Variants in DNAAF5 observed in about 807,000 individuals in gnomAD.
DNAAF5 encodes the protein dynein axonemal assembly factor 5.
Under a neutral mutation model 75.8 loss-of-function variants are expected in DNAAF5, and 64 were observed. The observed-to-expected ratio is 0.84, with a 90% CI of 0.69 to 1.04. The LOEUF (loss-of-function observed/expected upper bound fraction) is 1.04, where lower values mean the gene tolerates loss of function less well. Among genes scored for constraint, DNAAF5 ranks in the 50% least tolerant of loss-of-function variants. The probability of loss-of-function intolerance (pLI) is 0.00; values close to 1 mark genes in which losing one functional copy is unlikely to be tolerated. For synonymous variants in DNAAF5, 657 were observed against 557.2 expected, an observed-to-expected ratio of 1.18 and a Z score of -2.52; for missense variants, 1,269 against 1,178.5, an observed-to-expected ratio of 1.08 and a Z score of -1.12.
chr7:776,573 C>G (rs1298442407), intron 11 of DNAAF5, among the ~76,000 whole-genome samples: 1 of 152,176 alleles, frequency 6.6e-6, no homozygotes, highest in East Asian at 1.9e-4. Context: ...GCCGGGCCAC[C>G]CTGCAGCAGG....
chr7:752,759 A>T (rs1583493710), intron 4 of DNAAF5, among the ~76,000 whole-genome samples: 1 of 152,362 alleles, frequency 6.6e-6, no homozygotes, highest in East Asian at 1.9e-4. Flanking sequence ...CTGCTTTTTC[A>T]AAGGCCTGTT....
Position 727,203 on chromosome 7 carries a change from G to T in DNAAF5, c.483G>T (p.Ala161=). The T allele has an allele frequency of 7.4e-7, 1 of 1,348,110 alleles. No individual in the cohort carries two copies. The highest frequency in any genetic ancestry group is 1.7e-5 in the South Asian group (1 of 59,438). The allele number at this position is 1,348,110 out of a possible 1,614,324, so 83.5% of individuals were successfully genotyped here. Reference sequence around the variant, plus strand: ...TGGACCTGTGCGGCGCCGCGCTCGCGCCCCACCTGGACGACGCTCTGCGCG... The same window carrying T: ...TGGACCTGTGCGGCGCCGCGCTCGCTCCCCACCTGGACGACGCTCTGCGCG... ...LAVDLCGAAL[A]PHLDDALRAL... is the part of the protein sequence containing the mutation. Residue 161 remains alanine (A), a synonymous_variant, in exon 1 of 13, where the codon GCG becomes GCT. Transcript: ENST00000297440.
chr7:753,737 C>T (rs1562386259), intron 4 of DNAAF5, among the ~76,000 whole-genome samples: 2 of 137,696 alleles, frequency 1.5e-5, no homozygotes, highest in African/African-American at 5.7e-5. Flanking sequence ...GCTTCGCAGG[C>T]GTGTCTCTCT....
intron 8 of DNAAF5, among the ~76,000 whole-genome samples, chr7:767,951 G>C (rs546889720): frequency 3.3e-5 from 5 of 150,512 alleles, no homozygotes; most frequent in African/African-American, 1.2e-4. Context: ...GCTCCGGGCA[G>C]AAGTGTCCGC....
intron 2 of DNAAF5, among the ~76,000 whole-genome samples, chr7:739,064 GC>G (rs1313044383): frequency 7.0e-6 from 1 of 143,802 alleles, no homozygotes; most frequent in Non-Finnish European, 1.5e-5. Context: ...TGGGCTGGGG[GC>G]TGGCTGCAGT....
At chr7:756,673 G>C in intron 5 of DNAAF5, 109 bp from the exon 6 acceptor site, 1 of 937,456 alleles carries the variant, frequency 1.1e-6, no homozygotes, top group Admixed American at 1.9e-5. Context: ...CCTAACACGG[G>C]GCTCTGTCTG....
At chr7:772,503 G>A (rs1219986084) in intron 9 of DNAAF5, 2 of 152,250 alleles carry the variant, frequency 1.3e-5, no homozygotes, top group Non-Finnish European at 2.9e-5. Context: ...ACCGTTTCTG[G>A]AAGTCAAGCC....
chr7:756,809 A>G lies in DNAAF5; in HGVS notation c.1285A>G (p.Thr429Ala). Reference sequence around the variant, plus strand: ...TACCAGATCCGCAGAGCTCGTCGGGACGTTTGTCAGCCCTGAGGTGTTTCT... The same window carrying G: ...TACCAGATCCGCAGAGCTCGTCGGGGCGTTTGTCAGCCCTGAGGTGTTTCT... ...SCTRSAELVG[T>A]FVSPEVFLKL... The change falls in exon 6 of 13, where the codon ACG becomes GCG. Residue 429 changes from threonine (T) to alanine (A), a missense_variant. By Grantham distance (58) the Thr-to-Ala change is moderately conservative. Transcript: ENST00000297440. 1 of 1,613,724 alleles carries G rather than the reference A, an allele frequency of 6.2e-7. No individual in the cohort carries two copies. Among genetic ancestry groups the G allele is most frequent in the Non-Finnish European group, 8.5e-7 (1 of 1,179,938 alleles).
In DNAAF5 at chr7:770,630, C is replaced by A. The variant is rs752959727; in HGVS notation, c.1931+12C>A. 4 of 1,611,148 alleles carry A rather than the reference C, an allele frequency of 2.5e-6. No homozygotes were observed. In the Admixed American group the frequency reaches 6.7e-5, roughly 27 times the overall value. On this transcript the variant is annotated intron_variant, in intron 9 of 12. Coordinates refer to ENST00000297440, the MANE Select transcript of DNAAF5 (RefSeq NM_017802.4). ...ATCAACTCCCAGGGGTAGGTCCGGG[C>A]TCTGCCTCTGCACGGCCCCCAGCTG... is the stretch of plus-strand genomic sequence containing the variant.
chr7:768,044 G>T (rs1051303786), intron 8 of DNAAF5, among the ~76,000 whole-genome samples: 1 of 151,770 alleles, frequency 6.6e-6, no homozygotes, highest in Non-Finnish European at 1.5e-5. Flanking sequence ...GGCGCTGGGA[G>T]GGCAGACACG....
rs1434785948 is a variant in DNAAF5, at chr7:741,481, AG to A, written c.1024+17del. The A allele has an allele frequency of 8.1e-7, 1 of 1,229,304 alleles. No homozygotes were observed. Among genetic ancestry groups the A allele is most frequent in the African/African-American group, 1.6e-5 (1 of 63,192 alleles). 76.1% of individuals were successfully genotyped at this position (1,229,304 alleles called of 1,614,324 possible). On this transcript the variant is annotated intron_variant, in intron 4 of 12. Transcript: ENST00000297440. Reference sequence around the variant, plus strand: ...CCTCCACATGGTGAGTGACCGCGGCAGAGGGGAGCGCCAGGAGGCGAGCCCT... The same window carrying A: ...CCTCCACATGGTGAGTGACCGCGGCAAGGGGAGCGCCAGGAGGCGAGCCCT...
intron 2 of DNAAF5, among the ~76,000 whole-genome samples, chr7:733,419 T>C (rs1188721053): frequency 6.6e-6 from 1 of 152,190 alleles, no homozygotes; most frequent in Non-Finnish European, 1.5e-5. Flanking sequence ...GTATGGACAA[T>C]ATTGATTCTT....
chr7:769,714 A>G (rs112938971), intron 8 of DNAAF5, among the ~76,000 whole-genome samples: 10,139 of 151,164 alleles, frequency 0.067, 451 homozygotes, highest in Non-Finnish European at 0.093. Flanking sequence ...CTGGAGTGCA[A>G]TAGTGCGATC....
intron 8 of DNAAF5, among the ~76,000 whole-genome samples, chr7:769,780 C>T (rs1778490749): frequency 6.6e-6 from 1 of 152,114 alleles, no homozygotes; most frequent in African/African-American, 2.4e-5. Flanking sequence ...GCTGGGATTA[C>T]AGGCGCCCAC....
At chr7:784,095 C>T (rs1471625531) in intron 12 of DNAAF5, among the ~76,000 whole-genome samples, 1 of 152,150 alleles carries the variant, frequency 6.6e-6, no homozygotes, top group African/African-American at 2.4e-5. Context: ...CTTACCCCTC[C>T]TCGAGGCCCT....
chr7:756,757 G>C (rs1270822013), intron 5 of DNAAF5, 25 bp from the exon 6 acceptor site: 3 of 1,608,092 alleles, frequency 1.9e-6, no homozygotes, highest in South Asian at 2.2e-5. Flanking sequence ...TTGGCTCTGA[G>C]TTTTCTCATG....
At chr7:751,612 C>A (rs1242520355) in intron 4 of DNAAF5, among the ~76,000 whole-genome samples, 1 of 142,948 alleles carries the variant, frequency 7.0e-6, no homozygotes, top group Admixed American at 7.2e-5. Flanking sequence ...CTCACTCTGT[C>A]GCCCAGGCTG....
At chr7:755,307 C>T (rs892125294) in intron 5 of DNAAF5, among the ~76,000 whole-genome samples, 2 of 152,184 alleles carry the variant, frequency 1.3e-5, no homozygotes, top group Admixed American at 6.5e-5. Flanking sequence ...TGTCCACACT[C>T]GGCTGCTGGT....
chr7:732,597 G>C (rs1781621642), intron 2 of DNAAF5: 1 of 456,016 alleles, frequency 2.2e-6, no homozygotes, highest in African/African-American at 2.0e-5. Flanking sequence ...ATGAGTGTTT[G>C]TCACGTTCCT....
Sources: gnomAD v4.1 joint callset for allele counts (sites outside exome capture counted in the v4.1 genomes callset) on GRCh38, gnomAD v4.1.1 for gene constraint, MANE v1.5 for transcripts, NCBI Gene and HGNC (gene_info 2026-07-23, HGNC 2026-07-21) for gene names.